FAN1: variants seen among roughly 807,000 people sequenced by gnomAD.
FAN1 encodes fanconi-associated nuclease 1.
Under a neutral mutation model 104.9 loss-of-function variants are expected in FAN1, and 91 were observed. That is an observed-to-expected ratio of 0.87 (90% CI 0.73 to 1.03). The LOEUF (loss-of-function observed/expected upper bound fraction) is 1.03. Ranked by LOEUF, FAN1 falls within the 50% of genes least tolerant of loss-of-function variation. FAN1 has a pLI of 0.00. For synonymous variants in FAN1, 478 were observed against 457.6 expected (o/e 1.04, Z -0.57); for missense variants, 1,263 against 1,239.9 (o/e 1.02, Z -0.28).
In FAN1 at chr15:30,924,469, G is replaced by C. The variant is rs763656453; in HGVS notation, c.2173-658G>C. ...CCCACCAGCAATGCGTGAGGTTTCT[G>C]GTTTCTCTACCTCCTTGTCAATGCT... On this transcript the variant is annotated intron_variant, in intron 8 of 14. Coordinates refer to ENST00000362065, the MANE Select transcript of FAN1 (RefSeq NM_014967.5). 2.6e-5 allele frequency among the ~76,000 whole-genome samples: 4 copies of C among 152,238 alleles called. No homozygotes were observed. In the East Asian group the frequency reaches 7.7e-4, roughly 29 times the overall value.
intron 13 of FAN1, among the ~76,000 whole-genome samples, chr15:30,931,997 C>T (rs533866156): frequency 5.3e-5 from 8 of 150,248 alleles, no homozygotes; most frequent in South Asian, 4.2e-4. Context: ...CAGAGGTGGG[C>T]GGATCACGAG....
Position 30,911,702 on chromosome 15 carries a change from AT to A in FAN1, c.1577+889del, listed in dbSNP as rs2062104337. The A allele has an allele frequency of 2.4e-5, 22 of 906,084 alleles. No individual in the cohort carries two copies. In the South Asian group the frequency reaches 5.1e-4, roughly 21 times the overall value. The allele number at this position is 906,084 out of a possible 1,614,324, so 56.1% of individuals were successfully genotyped here. ...GTCTTCTAAGTCCTTTCTTTATCTA[AT>A]TGTATTTCTTAAGTATTTGATGTTA... On this transcript the variant is annotated intron_variant, in intron 4 of 14. Coordinates refer to ENST00000362065, the MANE Select transcript of FAN1 (RefSeq NM_014967.5).
At chr15:30,936,471 A>G (rs964708939) in intron 13 of FAN1, among the ~76,000 whole-genome samples, 5 of 152,244 alleles carry the variant, frequency 3.3e-5, no homozygotes, top group Admixed American at 6.5e-5. Context: ...AGTAAAATCC[A>G]GTGCATGCTT....
rs950727578 is a variant in FAN1, at chr15:30,912,492, G to A, written c.1578-1366G>A. On this transcript the variant is annotated intron_variant, in intron 4 of 14. Transcript: ENST00000362065. ...CATCCCCGGGACTCTGCGTGGAGGT[G>A]GATGAAATGGGTACTTTGGGGCAGT... is the stretch of plus-strand genomic sequence containing the variant. 3.3e-5 allele frequency among the ~76,000 whole-genome samples: 5 copies of A among 152,222 alleles called. No individual in the cohort carries two copies. The South Asian group carries it at 1.0e-3, about 32-fold the overall frequency.
rs775743665 is a variant in FAN1, at chr15:30,942,975, C to T, written c.*1413C>T. On this transcript the variant is annotated 3_prime_UTR_variant, in exon 15 of 15. Coordinates refer to ENST00000362065, the MANE Select transcript of FAN1 (RefSeq NM_014967.5). ...GTAGAAGGGGTTATGGAAAAGGGTG[C>T]GATCCTTTGCTGTAAACTGGAGAGA... 22 of 1,555,636 alleles carry T rather than the reference C, an allele frequency of 1.4e-5. No individual in the cohort carries two copies. The highest frequency in any genetic ancestry group is 1.9e-5 in the Admixed American group (1 of 51,368).
chr15:30,906,301 A>T, intron 2 of FAN1: 1 of 457,938 alleles, frequency 2.2e-6, no homozygotes, highest in Non-Finnish European at 4.4e-6. Flanking sequence ...ATGAAAGTAG[A>T]ATAAAATACA....
Position 30,928,410 on chromosome 15 carries a change from A to T in FAN1, c.2489-143A>T, listed in dbSNP as rs2062520587. The T allele has an allele frequency of 1.3e-6, 2 of 1,483,682 alleles. 1 individual carries two copies. Among genetic ancestry groups the T allele is most frequent in the South Asian group, 2.7e-5 (2 of 72,830 alleles). 91.9% of individuals were successfully genotyped at this position (1,483,682 alleles called of 1,614,324 possible). ...AAACTGGGAATGGCGTGAAAACAGC[A>T]TTTGCTTCTGAATCTAAAATATTTC... On this transcript the variant is annotated intron_variant, in intron 10 of 14. Transcript: ENST00000362065.
chr15:30,938,019 C>T (rs1463827320), intron 14 of FAN1, among the ~76,000 whole-genome samples: 1 of 151,746 alleles, frequency 6.6e-6, no homozygotes, highest in Non-Finnish European at 1.5e-5. Context: ...CCCATCTCTA[C>T]TAAAAATACA....
chr15:30,935,227 G>A (rs2062818830), intron 13 of FAN1, among the ~76,000 whole-genome samples: 1 of 152,044 alleles, frequency 6.6e-6, no homozygotes, highest in African/African-American at 2.4e-5. Flanking sequence ...AGAACTGCTT[G>A]AGGCTGGGAG....
chr15:30,932,767 GTAGTAGCGTGAGT>G (rs938139483), intron 13 of FAN1, among the ~76,000 whole-genome samples: 1 of 147,542 alleles, frequency 6.8e-6, no homozygotes, highest in African/African-American at 2.5e-5. Flanking sequence ...AGACTGGAGT[GTAGTAGCGTGAGT>G]TAGCTCACTG....
rs758689259 is a variant in FAN1 at position 30,908,128 on chromosome 15, G to C, written c.1245G>C (p.Gln415His). Reference sequence around the variant, plus strand: ...TTAACTTTATTGCAGCTACTGGTCAGAAGTTATATGTAAGGCTCTTTCAAC... The same window carrying C: ...TTAACTTTATTGCAGCTACTGGTCACAAGTTATATGTAAGGCTCTTTCAAC... The part of the protein sequence containing the change: ...TKFYQLSATG[Q>H]KLYVRLFQRK... The change falls in exon 3 of 15, where the codon CAG (glutamine) becomes CAC (histidine). Residue 415 changes from glutamine to histidine, a missense_variant. This residue lies in a region of FAN1 where 682 missense variants were observed against 571.1 expected (regional missense o/e 1.19). Transcript: ENST00000362065. 1 of 1,605,546 alleles carries C rather than the reference G, an allele frequency of 6.2e-7. No homozygotes were observed. The highest frequency in any genetic ancestry group is 1.7e-5 in the Admixed American group (1 of 58,012).
chr15:30,905,824 T>C lies in FAN1; in HGVS notation c.1161T>C (p.Leu387=). 2 of 1,614,040 alleles carry C rather than the reference T, an allele frequency of 1.2e-6. No homozygotes were observed. The highest frequency in any genetic ancestry group is 2.2e-5 in the East Asian group (1 of 44,894). Residue 387 remains leucine, a synonymous_variant, in exon 2 of 15, where the codon CTT becomes CTC. Transcript: ENST00000362065. Reference sequence around the variant, plus strand: ...TCCTTGTGGTGCTGAAAACCGTACTTGAGAATGAAGATGATATGTTGCTCT... The same window carrying C: ...TCCTTGTGGTGCTGAAAACCGTACTCGAGAATGAAGATGATATGTTGCTCT... ...RSFLVVLKTV[L]ENEDDMLLFD...
Position 30,942,092 on chromosome 15 carries a change from T to C in FAN1, c.*530T>C. Reference sequence around the variant, plus strand: ...GCTTTTCTATACAGAAGAGATTTTATTATGTTCCGGGGATTCCCTTTTTAG... The same window carrying C: ...GCTTTTCTATACAGAAGAGATTTTACTATGTTCCGGGGATTCCCTTTTTAG... On this transcript the variant is annotated 3_prime_UTR_variant, in exon 15 of 15. Coordinates refer to ENST00000362065, the MANE Select transcript of FAN1 (RefSeq NM_014967.5). The C allele has an allele frequency of 1.2e-6, 2 of 1,601,538 alleles. No homozygotes were observed. The highest frequency in any genetic ancestry group is 2.2e-5 in the East Asian group (1 of 44,690).
chr15:30,939,990 G>A (rs2062984069), intron 14 of FAN1: 5 of 978,214 alleles, frequency 5.1e-6, no homozygotes, highest in Non-Finnish European at 6.1e-6. Context: ...ATTTTAAAAG[G>A]CAAATAATTC....
At chr15:30,940,311 CTG>C (rs2062997979) in intron 14 of FAN1, 6 of 985,378 alleles carry the variant, frequency 6.1e-6, no homozygotes, top group Non-Finnish European at 7.2e-6. Flanking sequence ...AAGCAAACAA[CTG>C]TGTCTGCTCA....
intron 14 of FAN1, among the ~76,000 whole-genome samples, chr15:30,937,963 A>C (rs899945759): frequency 6.6e-6 from 1 of 151,370 alleles, no homozygotes. Flanking sequence ...AGGCAGGCGC[A>C]TCATGAGGTC....
At chr15:30,917,986 G>A (rs1047786446) in intron 5 of FAN1, among the ~76,000 whole-genome samples, 178 bp from the exon 6 acceptor site, 1 of 152,142 alleles carries the variant, frequency 6.6e-6, no homozygotes, top group East Asian at 1.9e-4. Flanking sequence ...TTTCTTATCA[G>A]TTCTGGGCCA....
At position 30,937,204 on chromosome 15, in the gene FAN1, TAGA is replaced by T; in HGVS notation, c.3005_3007del (p.Glu1002del). 1 of 1,614,084 alleles carries T rather than the reference TAGA, an allele frequency of 6.2e-7. No homozygotes were observed. The highest frequency in any genetic ancestry group is 1.3e-5 in the African/African-American group (1 of 75,022). ...GAACTGCAGAAGCTGGGGGCTGAAGTAGAAGTCTGCCATGTGGTTGCAGTTGGA... is the reference window on the plus strand; with the variant it reads ...GAACTGCAGAAGCTGGGGGCTGAAGTAGTCTGCCATGTGGTTGCAGTTGGA... On this transcript the variant is annotated inframe_deletion, in exon 14 of 15. Coordinates refer to ENST00000362065, the MANE Select transcript of FAN1 (RefSeq NM_014967.5).
rs1259105336 is a variant in FAN1 at position 30,925,793 on chromosome 15, C to T, written c.2342C>T (p.Thr781Ile). The change falls in exon 10 of 15, where the codon ACC becomes ATC. Residue 781 changes from threonine to isoleucine, a missense_variant. Transcript: ENST00000362065. ...GTTATTCTGCTGCTGTTTCAGGTGA[C>T]CATCACAGGCAGGCTGTGCCCACAG... The part of the protein sequence containing the change: ...EMAVQDVKHV[T>I]ITGRLCPQRG... 2 of 1,614,132 alleles carry T rather than the reference C, an allele frequency of 1.2e-6. No homozygotes were observed. Among genetic ancestry groups the T allele is most frequent in the Admixed American group, 3.3e-5 (2 of 60,034 alleles).
Sources: gnomAD v4.1 joint callset for allele counts (sites outside exome capture counted in the v4.1 genomes callset) on GRCh38, gnomAD v4.1.1 for gene constraint, gnomAD v4.1.1 regional missense constraint, MANE v1.5 for transcripts, NCBI Gene and HGNC (gene_info 2026-07-23, HGNC 2026-07-21) for gene names.